The following SCARA3 variants were observed in gnomAD, a reference collection of about 807,000 sequenced individuals.
SCARA3 encodes the protein cellular stress response gene protein.
In SCARA3, 39 loss-of-function variants were observed where a neutral mutation model predicts 47.0. That is an observed-to-expected ratio of 0.83 (90% CI 0.64 to 1.08). SCARA3 has a LOEUF of 1.08. Ranked by LOEUF, SCARA3 falls within the 50% of genes least tolerant of loss-of-function variation. The pLI, the probability that SCARA3 is intolerant of heterozygous loss-of-function variation, is 0.00. For synonymous variants in SCARA3, 356 were observed against 334.1 expected, an observed-to-expected ratio of 1.07 and a Z score of -0.71; for missense variants, 724 against 792.3, an observed-to-expected ratio of 0.91 and a Z score of 1.04.
At chr8:27,668,753 C>T (rs1802076924) in intron 5 of SCARA3, among the ~76,000 whole-genome samples, 1 of 152,090 alleles carries the variant, frequency 6.6e-6, no homozygotes, top group Non-Finnish European at 1.5e-5. Context: ...GTTGGAGGAT[C>T]ATTTGGGCCC....
At chr8:27,730,183 T>C in the SCARA3 span, among the ~76,000 whole-genome samples, 2 of 152,206 alleles carry the variant, frequency 1.3e-5, no homozygotes, top group Non-Finnish European at 2.9e-5. Context: ...TTTAATTGGA[T>C]CAGAGGAGCT....
chr8:27,705,554 A>T, the SCARA3 span, among the ~76,000 whole-genome samples: 1 of 152,250 alleles, frequency 6.6e-6, no homozygotes, highest in African/African-American at 2.4e-5. Flanking sequence ...GACCTTGAGT[A>T]ATTTACTTGG....
At chr8:27,698,380 T>C in the SCARA3 span, among the ~76,000 whole-genome samples, 1 of 152,340 alleles carries the variant, frequency 6.6e-6, no homozygotes, top group East Asian at 1.9e-4. Context: ...ATGTGTCAAG[T>C]TGATATGACA....
At chr8:27,640,842 G>T (rs867442482) in intron 1 of SCARA3, among the ~76,000 whole-genome samples, 2 of 149,288 alleles carry the variant, frequency 1.3e-5, no homozygotes, top group East Asian at 2.0e-4. Flanking sequence ...GACTACAGAT[G>T]CATGCCACCA....
At chr8:27,649,673 TG>T in intron 1 of SCARA3, 28 bp from the exon 2 acceptor site, 1 of 1,607,436 alleles carries the variant, frequency 6.2e-7, no homozygotes, top group East Asian at 2.2e-5. Flanking sequence ...GGGATGGCTT[TG>T]GGTCTGACGG....
the SCARA3 span, among the ~76,000 whole-genome samples, chr8:27,683,461 C>A: frequency 0.07 from 10,609 of 152,096 alleles, 442 homozygotes; most frequent in East Asian, 0.22. Flanking sequence ...AATCATAAAA[C>A]TAATTTAAAA....
chr8:27,700,326 G>A, the SCARA3 span, among the ~76,000 whole-genome samples: 1 of 152,136 alleles, frequency 6.6e-6, no homozygotes, highest in African/African-American at 2.4e-5. Context: ...AAAAAGACAT[G>A]CAGCTCAAAT....
chr8:27,684,156 A>G, the SCARA3 span, among the ~76,000 whole-genome samples: 2 of 152,236 alleles, frequency 1.3e-5, no homozygotes, highest in Non-Finnish European at 2.9e-5. Context: ...GGTAAAACAT[A>G]TCAAACAACA....
chr8:27,672,670 A>G lies in SCARA3; in HGVS notation c.*1319A>G, dbSNP rs1288160194. ...GCCCCCTCTGTCATCACTCCTTGGC[A>G]CCCACCAACTTCCTGCACACACTGG... On this transcript the variant is annotated 3_prime_UTR_variant, in exon 6 of 6. Transcript: ENST00000301904. 22 of 985,530 alleles carry G rather than the reference A, an allele frequency of 2.2e-5. No individual in the cohort carries two copies. In the South Asian group the frequency reaches 6.1e-4, roughly 27 times the overall value. The allele number at this position is 985,530 out of a possible 1,614,324, so 61.0% of individuals were successfully genotyped here.
intron 3 of SCARA3, among the ~76,000 whole-genome samples, chr8:27,656,515 T>C (rs911690384): frequency 1.3e-5 from 2 of 152,184 alleles, no homozygotes; most frequent in Non-Finnish European, 2.9e-5. Context: ...TTTTTTAATT[T>C]TTTTTCTGAA....
At chr8:27,714,234 C>T in the SCARA3 span, among the ~76,000 whole-genome samples, 15 of 125,724 alleles carry the variant, frequency 1.2e-4, no homozygotes, top group Admixed American at 8.3e-4. Flanking sequence ...CTTGCTCTGT[C>T]TCCTAGGCTG....
Position 27,672,887 on chromosome 8 carries a change from G to T in SCARA3, c.*1536G>T. ...GCCCTTCCCTGCTCAAAGCCTTTCC[G>T]CACCCTCCTGACTGTCCTGGATGTG... is the stretch of plus-strand genomic sequence containing the variant. On this transcript the variant is annotated 3_prime_UTR_variant, in exon 6 of 6. Coordinates refer to ENST00000301904, the MANE Select transcript of SCARA3 (RefSeq NM_016240.3). 1.0e-6 allele frequency: 1 copy of T among 985,584 alleles called. No individual in the cohort carries two copies. The allele number at this position is 985,584 out of a possible 1,614,324, so 61.1% of individuals were successfully genotyped here.
chr8:27,726,801 T>A, the SCARA3 span, among the ~76,000 whole-genome samples: 4 of 150,462 alleles, frequency 2.7e-5, no homozygotes, highest in South Asian at 2.1e-4. Context: ...TTATTTATTT[T>A]TTGAGATGCG....
intron 1 of SCARA3, among the ~76,000 whole-genome samples, chr8:27,636,695 C>T (rs572787189): frequency 8.5e-5 from 13 of 152,234 alleles, no homozygotes; most frequent in African/African-American, 2.9e-4. Context: ...GCCCTGAGGG[C>T]GGCGCTGGTG....
In SCARA3 at chr8:27,657,354, G is replaced by A. The variant is rs898638230; in HGVS notation, c.325+474G>A. On this transcript the variant is annotated intron_variant, in intron 4 of 5. Transcript: ENST00000301904. ...TTGTTATAGATTAAGGGACACATGT[G>A]CAGGTTTGTTACTTGGTTATATTGC... is the stretch of plus-strand genomic sequence containing the variant. Among the ~76,000 whole-genome samples, 8 of 150,698 alleles carry A rather than the reference G, an allele frequency of 5.3e-5. No homozygotes were observed. The East Asian group carries it at 1.6e-3, about 30-fold the overall frequency.
chr8:27,677,288 G>GCCC (rs1490232451), downstream of SCARA3, among the ~76,000 whole-genome samples: 9 of 152,242 alleles, frequency 5.9e-5, no homozygotes, highest in African/African-American at 2.2e-4. Flanking sequence ...ATGGGAAGAA[G>GCCC]AAACGGTGAC....
the SCARA3 span, among the ~76,000 whole-genome samples, chr8:27,691,111 T>C: frequency 6.6e-6 from 1 of 152,248 alleles, no homozygotes; most frequent in Non-Finnish European, 1.5e-5. Context: ...TTTCCCTGTA[T>C]ACTCTTCTGC....
At chr8:27,699,212 C>G in the SCARA3 span, among the ~76,000 whole-genome samples, 5 of 151,266 alleles carry the variant, frequency 3.3e-5, no homozygotes, top group Non-Finnish European at 7.4e-5. Flanking sequence ...CCACTGCACT[C>G]CAGCCTGGGT....
intron 5 of SCARA3, among the ~76,000 whole-genome samples, chr8:27,667,866 C>T (rs1802051621): frequency 6.6e-6 from 1 of 152,176 alleles, no homozygotes; most frequent in African/African-American, 2.4e-5. Flanking sequence ...CACGCGGAGA[C>T]CCACAAGATG....
Sources: gnomAD v4.1 joint callset for allele counts (sites outside exome capture counted in the v4.1 genomes callset) on GRCh38, gnomAD v4.1.1 for gene constraint, MANE v1.5 for transcripts, NCBI Gene and HGNC (gene_info 2026-07-23, HGNC 2026-07-21) for gene names.